ADD3: variants seen among roughly 807,000 people sequenced by gnomAD.
ADD3 encodes the protein gamma-adducin.
Under a neutral mutation model 80.2 loss-of-function variants are expected in ADD3, and 25 were observed. The ratio of observed to expected loss-of-function variants is 0.31; its 90% CI spans 0.23 to 0.44. ADD3 has a LOEUF of 0.44. Ranked by LOEUF, ADD3 falls within the 20% of genes least tolerant of loss-of-function variation. ADD3 has a pLI of 1.00. For missense variants in ADD3, 829 were observed against 847.5 expected (o/e 0.98, Z 0.27); for synonymous variants, 284 against 289.6 (o/e 0.98, Z 0.20).
At chr10:110,090,949 T>C (rs1251496540) in intron 1 of ADD3, among the ~76,000 whole-genome samples, 6 of 152,188 alleles carry the variant, frequency 3.9e-5, no homozygotes, top group Non-Finnish European at 8.8e-5. Flanking sequence ...ATATTGAGGT[T>C]TAGAATTTAG....
intron 12 of ADD3, among the ~76,000 whole-genome samples, chr10:110,127,360 T>A (rs1852307818): frequency 6.6e-6 from 1 of 152,246 alleles, no homozygotes; most frequent in Non-Finnish European, 1.5e-5. Context: ...GGCTCACGCC[T>A]GTAATCCCAG....
chr10:110,015,480 A>G (rs1317622853), intron 1 of ADD3, among the ~76,000 whole-genome samples: 1 of 149,306 alleles, frequency 6.7e-6, no homozygotes, highest in Non-Finnish European at 1.5e-5. Context: ...GGTTCATGCC[A>G]TTCTCCTGCC....
chr10:110,126,442 T>G lies in ADD3; in HGVS notation c.1547T>G (p.Leu516Trp), dbSNP rs1461820077. ...ATTCGGGAACAAAATCGATATGACT[T>G]GAAAACAGCAGGACCACAATCTCAG... ...NKIREQNRYD[L>W]KTAGPQSQLL... The change falls in exon 12 of 15, where the codon TTG (leucine) becomes TGG (tryptophan). Residue 516 changes from leucine (L) to tryptophan (W), a missense_variant. By Grantham distance (61) the Leu-to-Trp change is moderately conservative. Coordinates refer to ENST00000356080, the MANE Select transcript of ADD3 (RefSeq NM_016824.5). The G allele has an allele frequency of 6.2e-7, 1 of 1,613,588 alleles. No homozygotes were observed. The highest frequency in any genetic ancestry group is 1.3e-5 in the African/African-American group (1 of 74,934).
chr10:110,000,227 GT>G (rs532169475), intron 1 of ADD3, among the ~76,000 whole-genome samples: 1 of 152,078 alleles, frequency 6.6e-6, no homozygotes, highest in East Asian at 1.9e-4. Flanking sequence ...GCGTCTTAAG[GT>G]TTTTTTAAAT....
chr10:110,119,438 A>C (rs1300131625), intron 7 of ADD3, 28 bp from the exon 8 acceptor site: 1 of 1,613,504 alleles, frequency 6.2e-7, no homozygotes, highest in Non-Finnish European at 8.5e-7. Context: ...AGTTATTTCA[A>C]GTGATTGCTG....
At chr10:110,017,544 G>A (rs1000901424) in intron 1 of ADD3, among the ~76,000 whole-genome samples, 1 of 152,080 alleles carries the variant, frequency 6.6e-6, no homozygotes, top group South Asian at 2.1e-4. Flanking sequence ...TTTTGGCTGG[G>A]TTTATTTTTT....
chr10:110,029,851 CTGACAAATCAGATATAA>C (rs1298278183), intron 1 of ADD3, among the ~76,000 whole-genome samples: 1 of 152,156 alleles, frequency 6.6e-6, no homozygotes, highest in Non-Finnish European at 1.5e-5. Flanking sequence ...ATGGAATATC[CTGACAAATCAGATATAA>C]AGAATTTTTA....
At chr10:110,096,973 G>A (rs1590103641) in intron 1 of ADD3, among the ~76,000 whole-genome samples, 1 of 152,174 alleles carries the variant, frequency 6.6e-6, no homozygotes, top group Admixed American at 6.5e-5. Flanking sequence ...AGATAGGCAA[G>A]AATGGCACTA....
chr10:110,044,161 C>G (rs913944391), intron 1 of ADD3, among the ~76,000 whole-genome samples: 2 of 152,134 alleles, frequency 1.3e-5, no homozygotes, highest in African/African-American at 4.8e-5. Context: ...AAGATCATGC[C>G]CCTGAACTCC....
At chr10:110,005,181 C>T (rs1250093712), upstream of ADD3, among the ~76,000 whole-genome samples, 1 of 152,100 alleles carries the variant, frequency 6.6e-6, no homozygotes, top group Non-Finnish European at 1.5e-5. Flanking sequence ...TCTGCCTCAG[C>T]CTCCTAAGTA....
chr10:110,131,018 ACT>A, intron 13 of ADD3, among the ~76,000 whole-genome samples: 1 of 152,270 alleles, frequency 6.6e-6, no homozygotes, highest in South Asian at 2.1e-4. Context: ...TGGCTTTTTA[ACT>A]CTCTTAATTT....
At chr10:110,121,476 T>C (rs535613741) in intron 8 of ADD3, among the ~76,000 whole-genome samples, 63 of 152,150 alleles carry the variant, frequency 4.1e-4, no homozygotes, top group Non-Finnish European at 8.7e-4. Flanking sequence ...AGAGTGAAAC[T>C]CAGTCCTCAA....
At chr10:110,130,526 T>G (rs937851964) in intron 13 of ADD3, 40 bp downstream of exon 13, 6 of 1,603,598 alleles carry the variant, frequency 3.7e-6, no homozygotes, top group Admixed American at 1.7e-5. Context: ...TAAGCCACAC[T>G]GATAACAATA....
intron 2 of ADD3, among the ~76,000 whole-genome samples, chr10:110,109,196 AATTGTG>A (rs1367389906): frequency 1.3e-5 from 2 of 152,074 alleles, no homozygotes; most frequent in Non-Finnish European, 2.9e-5. Context: ...CAGTTTAATA[AATTGTG>A]ATTCTCTTGA....
chr10:110,031,021 A>G (rs1854948481), intron 1 of ADD3, among the ~76,000 whole-genome samples: 1 of 152,046 alleles, frequency 6.6e-6, no homozygotes, highest in South Asian at 2.1e-4. Flanking sequence ...CACGCCTGTA[A>G]TCCCAGCACT....
intron 1 of ADD3, among the ~76,000 whole-genome samples, chr10:110,061,429 G>T (rs1324121479): frequency 6.6e-6 from 1 of 152,164 alleles, no homozygotes; most frequent in Admixed American, 6.5e-5. Context: ...AAATGAGACA[G>T]GATTGACTGG....
intron 1 of ADD3, among the ~76,000 whole-genome samples, chr10:110,054,439 CTTTTTTT>C (rs36097209): frequency 1.2e-5 from 1 of 80,884 alleles, no homozygotes; most frequent in Non-Finnish European, 2.7e-5. Context: ...CCAGTTTTCT[CTTTTTTT>C]TTTTTTTTTT....
At chr10:110,121,932 G>C (rs942378753) in intron 8 of ADD3, 178 bp from the exon 9 acceptor site, 1 of 475,286 alleles carries the variant, frequency 2.1e-6, no homozygotes, top group African/African-American at 2.0e-5. Context: ...TTTTCAGATA[G>C]GTGGAAAAGA....
At chr10:110,114,280 T>G (rs1173387276) in intron 3 of ADD3, among the ~76,000 whole-genome samples, 1 of 152,256 alleles carries the variant, frequency 6.6e-6, no homozygotes, top group Non-Finnish European at 1.5e-5. Flanking sequence ...TCTAAAATTT[T>G]GTCAGAAATT....
Sources: allele counts gnomAD v4.1 joint callset (sites outside exome capture counted in the v4.1 genomes callset), GRCh38; gene constraint gnomAD v4.1.1; transcripts MANE v1.5; gene names NCBI Gene and HGNC (gene_info 2026-07-23, HGNC 2026-07-21).